The following SLC12A5 variants were observed in gnomAD, a reference collection of about 807,000 sequenced individuals.
SLC12A5 encodes the protein K-Cl cotransporter 2.
In SLC12A5, 18 loss-of-function variants were observed where a neutral mutation model predicts 124.0. The ratio of observed to expected loss-of-function variants is 0.15; its 90% CI spans 0.10 to 0.22. The LOEUF is 0.22. SLC12A5 is among the 10% of genes least tolerant of loss of function. SLC12A5 has a pLI of 1.00. For synonymous variants in SLC12A5, 589 were observed against 568.0 expected, an observed-to-expected ratio of 1.04 and a Z score of -0.53; for missense variants, 867 against 1,478.7, an observed-to-expected ratio of 0.59 and a Z score of 6.78.
chr20:46,021,847 G>T (rs943776034), exon 1 of SLC12A5: 2 of 1,532,414 alleles, frequency 1.3e-6, no homozygotes, highest in Non-Finnish European at 8.7e-7. Context: ...CCGGCATTCG[G>T]TCGCAGACCC....
intron 17 of SLC12A5, among the ~76,000 whole-genome samples, chr20:46,051,014 G>A (rs1183563951): frequency 6.6e-6 from 1 of 152,172 alleles, no homozygotes; most frequent in Admixed American, 6.5e-5. Flanking sequence ...AGGTGGCAGA[G>A]ATAGGAGTTG....
At chr20:46,029,072 C>T, upstream of SLC12A5, 1 of 1,262,334 alleles carries the variant, frequency 7.9e-7, no homozygotes, top group Non-Finnish European at 1.0e-6. Flanking sequence ...TTCTCTCTCC[C>T]TCCCGCTCTC....
At chr20:46,051,167 A>G (rs2084642870) in intron 17 of SLC12A5, among the ~76,000 whole-genome samples, 1 of 152,214 alleles carries the variant, frequency 6.6e-6, no homozygotes, top group South Asian at 2.1e-4. Context: ...TTCCCCATCT[A>G]TAAAATGGGA....
In SLC12A5 at chr20:46,033,130, AAG is replaced by A. The variant is rs370530089; in HGVS notation, c.53-1814_53-1813del. On this transcript the variant is annotated intron_variant, in intron 1 of 25. Transcript: ENST00000243964. ...CCTCCTGGCCCAATTTTTAGTCAGG[AAG>A]AGATTGGTTTTATAACAGAGACAGG... Among the ~76,000 whole-genome samples, 1,381 of 152,196 alleles carry A rather than the reference AAG, an allele frequency of 9.1e-3. 17 individuals carry two copies. The highest frequency in any genetic ancestry group is 0.012 in the Non-Finnish European group (842 of 68,000).
chr20:46,043,769 A>G (rs1229690107), intron 10 of SLC12A5, 38 bp downstream of exon 10: 5 of 1,612,190 alleles, frequency 3.1e-6, no homozygotes, highest in Admixed American at 3.3e-5. Context: ...CCCTCGGGGG[A>G]GGGCAAGAGG....
At position 46,059,389 on chromosome 20, in the gene SLC12A5, G is replaced by T. The variant is rs2084730587; in HGVS notation, c.*1784G>T. The T allele has an allele frequency of 2.5e-6, 1 of 394,428 alleles. No individual in the cohort carries two copies. The highest frequency in any genetic ancestry group is 4.4e-5 in the Admixed American group (1 of 22,592). 24.4% of individuals were successfully genotyped at this position (394,428 alleles called of 1,614,324 possible). A position where few individuals can be genotyped will look rare whatever the true frequency, so the allele number is the denominator to read the frequency against. On this transcript the variant is annotated 3_prime_UTR_variant, in exon 26 of 26. Transcript: ENST00000243964. ...AGTCCCCTCTGAGATTCGATCAGGGGACTGGATAGATTCTTTCAGGTACTC... is the reference window on the plus strand; with the variant it reads ...AGTCCCCTCTGAGATTCGATCAGGGTACTGGATAGATTCTTTCAGGTACTC...
chr20:46,029,094 C>A, upstream of SLC12A5: 1 of 1,321,644 alleles, frequency 7.6e-7, no homozygotes, highest in South Asian at 2.1e-5. Context: ...CCCCAAAACC[C>A]CGCCAGTGGC....
intron 3 of SLC12A5, 87 bp downstream of exon 3, chr20:46,035,622 G>T (rs769921868): frequency 1.3e-6 from 2 of 1,507,788 alleles, no homozygotes; most frequent in Non-Finnish European, 1.8e-6. Flanking sequence ...TTTGAATGGA[G>T]GGAGGGAAAG....
chr20:46,024,159 G>GTGTA (rs1373398982), downstream of SLC12A5, among the ~76,000 whole-genome samples: 1 of 151,908 alleles, frequency 6.6e-6, no homozygotes, highest in African/African-American at 2.4e-5. Context: ...GTGTGTGTGT[G>GTGTA]TGTGTGTGTG....
rs3746522 is a variant in SLC12A5, at chr20:46,051,773, C to T, written c.2280C>T (p.Ser760=). 332,655 of 1,608,614 alleles carry T rather than the reference C, an allele frequency of 0.21. 36,534 individuals carry two copies. Among genetic ancestry groups the T allele is most frequent in the East Asian group, 0.32 (14,059 of 44,284 alleles). Residue 760 remains serine (S), a synonymous_variant, in exon 18 of 26, where the codon TCC becomes TCT. Coordinates refer to ENST00000243964, the MANE Select transcript of SLC12A5 (RefSeq NM_020708.5). ...LRDGVSHLIQ[S]GGLGGLQHNT... The stretch of plus-strand genomic sequence containing the variant: ...ATGGCGTGTCCCATCTGATCCAGTC[C>T]GGGGGCCTCGGGGGGCTGCAGCACA...
Position 46,044,962 on chromosome 20 carries a change from C to A in SLC12A5, c.1395-4C>A. ...CCTGGCATCTCCTGTCCACATCATT[C>A]CAGGTTTGGCGAAGCTGTGAATGGC... is the stretch of plus-strand genomic sequence containing the variant. On this transcript the variant is annotated splice_region_variant and splice_polypyrimidine_tract_variant and intron_variant, in intron 11 of 25. Transcript: ENST00000243964. The A allele has an allele frequency of 6.2e-7, 1 of 1,614,210 alleles. No homozygotes were observed. The highest frequency in any genetic ancestry group is 1.1e-5 in the South Asian group (1 of 91,084).
At chr20:46,047,409 C>T (rs1422991385) in intron 14 of SLC12A5, 45 bp from the exon 15 acceptor site, 4 of 1,599,880 alleles carry the variant, frequency 2.5e-6, no homozygotes, top group African/African-American at 1.3e-5. Context: ...GCTTCAGCAA[C>T]AGCCCTGCTG....
intron 1 of SLC12A5, among the ~76,000 whole-genome samples, chr20:46,033,444 TC>T (rs149990302): frequency 0.012 from 1,804 of 151,402 alleles, 32 homozygotes; most frequent in African/African-American, 0.04. Flanking sequence ...GAAGGGACCT[TC>T]CCCCCTGGTG....
chr20:46,057,270 G>A lies in SLC12A5; in HGVS notation c.3226G>A (p.Gly1076Arg). 2 of 1,614,186 alleles carry A rather than the reference G, an allele frequency of 1.2e-6. No homozygotes were observed. Among genetic ancestry groups the A allele is most frequent in the Non-Finnish European group, 1.7e-6 (2 of 1,180,040 alleles). The change falls in exon 25 of 26, where the codon GGG becomes AGG. Residue 1076 changes from glycine to arginine, a missense_variant. By Grantham distance (125) the Gly-to-Arg change is moderately radical (BLOSUM62 -2). Coordinates refer to ENST00000243964, the MANE Select transcript of SLC12A5 (RefSeq NM_020708.5). This position sits in a 1 kb window ranked among gnomAD's most constrained non-coding sequence, Gnocchi z 7.1. ...CAAGCTTGTTTTGCTCAACATGCCT[G>A]GGCCTCCCCGCAACCGCAATGGTGA... ...DAKLVLLNMP[G>R]PPRNRNGDEN...
At chr20:46,022,030 A>G in intron 1 of SLC12A5, 1 of 971,888 alleles carries the variant, frequency 1.0e-6, no homozygotes, top group Non-Finnish European at 1.4e-6. Context: ...GAATGGAGCC[A>G]GGACTAGGAA....
At chr20:46,055,268 A>G (rs1050944494) in intron 21 of SLC12A5, among the ~76,000 whole-genome samples, 1 of 152,194 alleles carries the variant, frequency 6.6e-6, no homozygotes, top group Admixed American at 6.5e-5. Context: ...TCTCCTCTGT[A>G]TGTGACTTCT....
In SLC12A5 at chr20:46,057,386, C is replaced by T. The variant is rs2084706086; in HGVS notation, c.3259+83C>T. ...CTGTCCCTGGGATGGAAGAGCTGAG[C>T]TGTTCCTGCCTCCGGATCAGCACCT... On this transcript the variant is annotated intron_variant, in intron 25 of 25. Coordinates refer to ENST00000243964, the MANE Select transcript of SLC12A5 (RefSeq NM_020708.5). The surrounding 1 kb of genome is among the most constrained non-coding windows in gnomAD (Gnocchi z 7.1). 1.9e-6 allele frequency: 3 copies of T among 1,608,312 alleles called. No homozygotes were observed. Among genetic ancestry groups the T allele is most frequent in the Admixed American group, 3.3e-5 (2 of 59,920 alleles).
At position 46,057,407 on chromosome 20, in the gene SLC12A5, C is replaced by T. The variant is rs1053862708; in HGVS notation, c.3259+104C>T. 1.5e-5 allele frequency: 24 copies of T among 1,604,286 alleles called. No homozygotes were observed. The highest frequency in any genetic ancestry group is 1.9e-5 in the Non-Finnish European group (22 of 1,171,384). Reference sequence around the variant, plus strand: ...TGAGCTGTTCCTGCCTCCGGATCAGCACCTCGGACAGGGACACGGGCGCGA... The same window carrying T: ...TGAGCTGTTCCTGCCTCCGGATCAGTACCTCGGACAGGGACACGGGCGCGA... On this transcript the variant is annotated intron_variant, in intron 25 of 25. Coordinates refer to ENST00000243964, the MANE Select transcript of SLC12A5 (RefSeq NM_020708.5). This position sits in a 1 kb window ranked among gnomAD's most constrained non-coding sequence, Gnocchi z 7.1.
intron 17 of SLC12A5, among the ~76,000 whole-genome samples, chr20:46,050,843 A>G (rs975136466): frequency 2.0e-5 from 3 of 152,238 alleles, no homozygotes; most frequent in Non-Finnish European, 4.4e-5. Context: ...AGTTAATAAC[A>G]TCAGGGTCGT....
Sources: gnomAD v4.1 joint callset for allele counts (sites outside exome capture counted in the v4.1 genomes callset) on GRCh38, gnomAD v4.1.1 for gene constraint, Gnocchi (gnomAD v3.1) non-coding constraint, MANE v1.5 for transcripts, NCBI Gene and HGNC (gene_info 2026-07-23, HGNC 2026-07-21) for gene names.